Variants in PCDH15 observed in about 807,000 individuals in gnomAD.
PCDH15 encodes protocadherin-15.
Under a neutral mutation model 178.5 loss-of-function variants are expected in PCDH15, and 129 were observed. That is an observed-to-expected ratio of 0.72 (90% CI 0.63 to 0.84). The LOEUF (loss-of-function observed/expected upper bound fraction) is 0.84, where lower values mean the gene tolerates loss of function less well. Among genes scored for constraint, PCDH15 ranks in the 40% least tolerant of loss-of-function variants. The pLI, the probability that PCDH15 is intolerant of heterozygous loss-of-function variation, is 0.00. For missense variants in PCDH15, 2,230 were observed against 2,099.9 expected, an observed-to-expected ratio of 1.06 and a Z score of -1.21; for synonymous variants, 800 against 732.0, an observed-to-expected ratio of 1.09 and a Z score of -1.50.
intron 27 of PCDH15, among the ~76,000 whole-genome samples, chr10:53,862,780 C>A (rs1025611280): frequency 6.6e-6 from 1 of 152,158 alleles, no homozygotes; most frequent in East Asian, 1.9e-4. Context: ...TAGTGCTTTT[C>A]CTTGAGGCAA....
chr10:53,857,886 G>T (rs2078860309), intron 27 of PCDH15, among the ~76,000 whole-genome samples: 1 of 151,804 alleles, frequency 6.6e-6, no homozygotes, highest in South Asian at 2.1e-4. Flanking sequence ...AAAAATAGAA[G>T]AAAAATAAAA....
chr10:55,278,068 A>T (rs780071930), intron 1 of PCDH15, among the ~76,000 whole-genome samples: 29 of 152,148 alleles, frequency 1.9e-4, no homozygotes, highest in Non-Finnish European at 4.0e-4. Context: ...ACAGAAAAAG[A>T]TACATCATAA....
chr10:54,446,901 G>T (rs1485298259), intron 3 of PCDH15, among the ~76,000 whole-genome samples: 1 of 151,546 alleles, frequency 6.6e-6, no homozygotes, highest in East Asian at 1.9e-4. Flanking sequence ...CAGAAGGAAA[G>T]AATGCCTATA....
intron 2 of PCDH15, among the ~76,000 whole-genome samples, chr10:54,604,573 T>C (rs1012229001): frequency 6.6e-6 from 1 of 152,032 alleles, no homozygotes; most frequent in Non-Finnish European, 1.5e-5. Context: ...TTTTGTCTAA[T>C]GTAAGTATAG....
chr10:54,860,624 TA>T (rs1953822489), intron 3 of PCDH15, among the ~76,000 whole-genome samples: 2 of 152,200 alleles, frequency 1.3e-5, no homozygotes, highest in Non-Finnish European at 2.9e-5. Flanking sequence ...TGATTGCATA[TA>T]TTTTTGGTAG....
intron 2 of PCDH15, among the ~76,000 whole-genome samples, chr10:55,162,350 A>G (rs1839088412): frequency 6.6e-6 from 1 of 152,186 alleles, no homozygotes; most frequent in Non-Finnish European, 1.5e-5. Flanking sequence ...TGTTGATGTA[A>G]AAAGGTACTA....
chr10:55,003,579 A>AAACTG (rs1453297220), intron 2 of PCDH15, among the ~76,000 whole-genome samples: 1 of 152,176 alleles, frequency 6.6e-6, no homozygotes, highest in Non-Finnish European at 1.5e-5. Flanking sequence ...CAGAATTCAG[A>AAACTG]AACTGTGAAT....
intron 2 of PCDH15, chr10:54,605,996 TC>T (rs2092724465): frequency 6.6e-6 from 1 of 152,128 alleles, no homozygotes; most frequent in Non-Finnish European, 1.5e-5. Flanking sequence ...TGTGGAAATA[TC>T]CACATGCCTG....
chr10:55,099,545 T>A (rs1177966385), intron 2 of PCDH15, among the ~76,000 whole-genome samples: 1 of 152,108 alleles, frequency 6.6e-6, no homozygotes. Flanking sequence ...ACAATAAGCA[T>A]CAACTTTTGA....
At chr10:55,419,392 G>A (rs2084275) in intron 2 of PCDH15, among the ~76,000 whole-genome samples, 17,876 of 151,712 alleles carry the variant, frequency 0.12, 1,559 homozygotes, top group East Asian at 0.45. Flanking sequence ...GGTATCCCAT[G>A]AAACCATCTA....
At chr10:55,460,842 G>A (rs1409403067) in intron 2 of PCDH15, among the ~76,000 whole-genome samples, 1 of 151,928 alleles carries the variant, frequency 6.6e-6, no homozygotes, top group East Asian at 1.9e-4. Flanking sequence ...ATCCACTTGG[G>A]CTTTGTTCTG....
chr10:54,463,357 A>G (rs369218478), intron 3 of PCDH15, among the ~76,000 whole-genome samples: 3 of 152,216 alleles, frequency 2.0e-5, no homozygotes, highest in African/African-American at 4.8e-5. Context: ...CTCTAATAAT[A>G]ATAAGACAAA....
intron 1 of PCDH15, among the ~76,000 whole-genome samples, chr10:54,745,738 G>A (rs1945374307): frequency 6.6e-6 from 1 of 152,090 alleles, no homozygotes; most frequent in Non-Finnish European, 1.5e-5. Flanking sequence ...TAATATATAA[G>A]TGTATAATAT....
intron 18 of PCDH15, among the ~76,000 whole-genome samples, chr10:54,039,755 T>C (rs1210626613): frequency 2.6e-5 from 4 of 152,050 alleles, no homozygotes; most frequent in Non-Finnish European, 5.9e-5. Context: ...TCCTCCTAGG[T>C]TCTCAAGGGA....
At chr10:55,341,793 A>C (rs1588933646) in intron 2 of PCDH15, among the ~76,000 whole-genome samples, 1 of 12,908 alleles carries the variant, frequency 7.7e-5, no homozygotes, top group East Asian at 1.2e-3. Context: ...ATATATATAT[A>C]TATATATATA....
In PCDH15 at chr10:54,049,624, ATT is replaced by A. The variant is rs71007805; in HGVS notation, c.2220+17131_2220+17132del. ...AGCTTTTTCTGCATCTATTGTGATG[ATT>A]TTTTTTTTTTTTGAGACGGAGTCTC... On this transcript the variant is annotated intron_variant, in intron 18 of 37. Transcript: ENST00000644397. Among the ~76,000 whole-genome samples, 1,049 of 146,986 alleles carry A rather than the reference ATT, an allele frequency of 7.1e-3. 12 individuals are homozygous for A. The highest frequency in any genetic ancestry group is 0.024 in the African/African-American group (980 of 40,134).
chr10:54,395,366 A>AT (rs1032689849), intron 3 of PCDH15, among the ~76,000 whole-genome samples: 1 of 151,696 alleles, frequency 6.6e-6, no homozygotes, highest in Non-Finnish European at 1.5e-5. Flanking sequence ...CATAAAATAA[A>AT]AAAAAAAAAA....
At chr10:53,957,350 G>T (rs547073954) in intron 23 of PCDH15, among the ~76,000 whole-genome samples, 1 of 152,092 alleles carries the variant, frequency 6.6e-6, no homozygotes, top group Non-Finnish European at 1.5e-5. Flanking sequence ...TATCCGTCCT[G>T]TTCTTGAGAA....
At chr10:54,118,628 C>G (rs1016286898) in intron 15 of PCDH15, among the ~76,000 whole-genome samples, 4 of 151,862 alleles carry the variant, frequency 2.6e-5, no homozygotes, top group African/African-American at 4.8e-5. Context: ...CCACTGCACT[C>G]TAGCCTGGGC....
Sources: gnomAD v4.1 joint callset for allele counts (sites outside exome capture counted in the v4.1 genomes callset) on GRCh38, gnomAD v4.1.1 for gene constraint, MANE v1.5 for transcripts, NCBI Gene and HGNC (gene_info 2026-07-23, HGNC 2026-07-21) for gene names.